The following COBL variants were observed in gnomAD, a reference collection of about 807,000 sequenced individuals.
COBL encodes cordon-bleu WH2 repeat protein.
COBL carries 51 observed loss-of-function variants against 98.8 expected under a neutral mutation model. That is an observed-to-expected ratio of 0.52 (90% CI 0.41 to 0.65). The LOEUF (loss-of-function observed/expected upper bound fraction) is 0.65, where lower values mean the gene tolerates loss of function less well. Ranked by LOEUF, COBL falls within the 30% of genes least tolerant of loss-of-function variation. The pLI is 0.00. For missense variants in COBL, 1,617 were observed against 1,617.5 expected (o/e 1.00, Z 0.01); for synonymous variants, 634 against 651.7 (o/e 0.97, Z 0.41).
At chr7:51,047,481 T>G (rs981529904) in intron 7 of COBL, among the ~76,000 whole-genome samples, 1 of 152,172 alleles carries the variant, frequency 6.6e-6, no homozygotes, top group Non-Finnish European at 1.5e-5. Flanking sequence ...TTTTACAGAG[T>G]CAGCAAAGAT....
chr7:51,237,355 T>C (rs1795353722), intron 1 of COBL, among the ~76,000 whole-genome samples: 1 of 152,208 alleles, frequency 6.6e-6, no homozygotes, highest in South Asian at 2.1e-4. Flanking sequence ...AATTTGTCCA[T>C]AGACAACACT....
At chr7:51,100,371 G>A (rs1016005988) in intron 6 of COBL, among the ~76,000 whole-genome samples, 3 of 152,188 alleles carry the variant, frequency 2.0e-5, no homozygotes, top group African/African-American at 7.2e-5. Context: ...GCTGTTCAAA[G>A]TCTAATGGAG....
At chr7:51,308,962 A>C (rs78305850) in intron 1 of COBL, among the ~76,000 whole-genome samples, 7 of 152,200 alleles carry the variant, frequency 4.6e-5, no homozygotes, top group African/African-American at 1.7e-4. Context: ...TCAGAGCTCT[A>C]TATAACGTGG....
intron 12 of COBL, among the ~76,000 whole-genome samples, chr7:51,019,306 C>T (rs1786679755): frequency 6.6e-6 from 1 of 151,968 alleles, no homozygotes; most frequent in Non-Finnish European, 1.5e-5. Flanking sequence ...GGGAGCGTGT[C>T]TACCCTTCCA....
Position 51,207,763 on chromosome 7 carries a change from G to A in COBL, c.245+11978C>T, listed in dbSNP as rs535472651. ...GGTGCCCAGGCTGGAGTGCAGTGAC[G>A]TGATCTCAGCTCGCTACAACCTCCA... On this transcript the variant is annotated intron_variant, in intron 2 of 12. Coordinates refer to ENST00000265136, the MANE Select transcript of COBL (RefSeq NM_015198.5). 3.3e-5 allele frequency among the ~76,000 whole-genome samples: 5 copies of A among 152,332 alleles called. No individual in the cohort carries two copies. The East Asian group carries it at 5.8e-4, about 18-fold the overall frequency.
intron 1 of COBL, among the ~76,000 whole-genome samples, chr7:51,270,701 C>T (rs546187637): frequency 2.6e-5 from 4 of 152,046 alleles, no homozygotes; most frequent in South Asian, 2.1e-4. Context: ...ATAATAAATA[C>T]GGACACTAAA....
intron 7 of COBL, among the ~76,000 whole-genome samples, chr7:51,061,777 T>C (rs1159385887): frequency 6.6e-6 from 1 of 152,188 alleles, no homozygotes; most frequent in African/African-American, 2.4e-5. Flanking sequence ...GACACCCATC[T>C]TCTCCTGTGC....
rs2129069630 is a variant in COBL, at chr7:51,205,154, G to A, written c.246-11565C>T. On this transcript the variant is annotated intron_variant, in intron 2 of 12. Coordinates refer to ENST00000265136, the MANE Select transcript of COBL (RefSeq NM_015198.5). Reference sequence around the variant, plus strand: ...CATTGGCATTCTTTACAGAAACAGAGAAGAAACAATGCAAAAACTCATAAA... The same window carrying A: ...CATTGGCATTCTTTACAGAAACAGAAAAGAAACAATGCAAAAACTCATAAA... Among the ~76,000 whole-genome samples, 3 of 152,202 alleles carry A rather than the reference G, an allele frequency of 2.0e-5. No homozygotes were observed. The South Asian group carries it at 6.2e-4, about 32-fold the overall frequency.
chr7:51,225,174 G>T (rs1266640601), intron 1 of COBL, among the ~76,000 whole-genome samples: 3 of 152,216 alleles, frequency 2.0e-5, no homozygotes, highest in Non-Finnish European at 2.9e-5. Context: ...GGCTTCCTCT[G>T]CCTGTGAGTG....
Position 51,294,370 on chromosome 7 carries a change from T to C in COBL, c.41+22223A>G, listed in dbSNP as rs201122341. Among the ~76,000 whole-genome samples, 12 of 151,388 alleles carry C rather than the reference T, an allele frequency of 7.9e-5. No individual in the cohort carries two copies. In the East Asian group the frequency reaches 2.3e-3, roughly 29 times the overall value. The stretch of plus-strand genomic sequence containing the variant: ...AATAAAAGGCAGGGCGCAGAGCTCA[T>C]GCCTGTAATCCCAGTACTTTAGGAG... On this transcript the variant is annotated intron_variant, in intron 1 of 12. Transcript: ENST00000265136.
At chr7:51,203,158 A>G (rs1347232938) in intron 2 of COBL, among the ~76,000 whole-genome samples, 2 of 152,134 alleles carry the variant, frequency 1.3e-5, no homozygotes, top group Non-Finnish European at 2.9e-5. Flanking sequence ...AAGGAAGTTA[A>G]TAATAAAGAT....
chr7:51,033,783 T>A (rs996574856), intron 8 of COBL: 4 of 152,282 alleles, frequency 2.6e-5, no homozygotes, highest in Non-Finnish European at 4.4e-5. Flanking sequence ...TCTGCATTCT[T>A]CTTACACTGC....
intron 7 of COBL, among the ~76,000 whole-genome samples, chr7:51,058,797 G>A (rs1011080242): frequency 6.6e-6 from 1 of 152,234 alleles, no homozygotes; most frequent in African/African-American, 2.4e-5. Flanking sequence ...GGCTGTTAGA[G>A]CGAGTCTGAT....
chr7:51,311,721 G>T (rs1191605029), intron 1 of COBL, among the ~76,000 whole-genome samples: 1 of 151,872 alleles, frequency 6.6e-6, no homozygotes. Flanking sequence ...ATAAAATGGG[G>T]GAGATGGAAA....
At chr7:51,074,009 T>C (rs28645880) in intron 7 of COBL, among the ~76,000 whole-genome samples, 5,154 of 152,132 alleles carry the variant, frequency 0.034, 268 homozygotes, top group African/African-American at 0.12. Context: ...GGCTATTACA[T>C]GAGAGTAGCT....
intron 2 of COBL, among the ~76,000 whole-genome samples, chr7:51,216,044 C>A (rs1244799644): frequency 6.6e-6 from 1 of 152,258 alleles, no homozygotes; most frequent in Admixed American, 6.5e-5. Flanking sequence ...TTCCTCTCTT[C>A]TGCAAAAGGA....
chr7:51,252,769 T>C (rs1364872534), intron 1 of COBL, among the ~76,000 whole-genome samples: 1 of 152,158 alleles, frequency 6.6e-6, no homozygotes, highest in Non-Finnish European at 1.5e-5. Context: ...TCTAGATTAT[T>C]CCAATGTAAT....
chr7:51,219,646 G>C, intron 2 of COBL, 95 bp downstream of exon 2: 2 of 1,339,484 alleles, frequency 1.5e-6, no homozygotes, highest in Non-Finnish European at 2.1e-6. Context: ...ACCTGATGAG[G>C]AGGAAAATGC....
chr7:51,260,042 C>T lies in COBL; in HGVS notation c.42-40098G>A, dbSNP rs1302109555. On this transcript the variant is annotated intron_variant, in intron 1 of 12. Transcript: ENST00000265136. ...CGTTTAACTTGAGCCCTTTTCCTTT[C>T]CTCTGCTCCTTCTTCTCCAAAAGTG... 1.4e-5 allele frequency: 12 copies of T among 880,224 alleles called. No homozygotes were observed. The Admixed American group carries it at 2.0e-4, about 15-fold the overall frequency. 54.5% of individuals were successfully genotyped at this position (880,224 alleles called of 1,614,324 possible).
Sources: allele counts gnomAD v4.1 joint callset (sites outside exome capture counted in the v4.1 genomes callset), GRCh38; gene constraint gnomAD v4.1.1; transcripts MANE v1.5; gene names NCBI Gene and HGNC (gene_info 2026-07-23, HGNC 2026-07-21).